Variants in NRG1 observed in about 807,000 individuals in gnomAD.
The protein encoded by NRG1 is neuregulin 1, also known as pro-neuregulin-1, membrane-bound isoform.
NRG1 carries 18 observed loss-of-function variants against 63.8 expected under a neutral mutation model. The ratio of observed to expected loss-of-function variants is 0.28; its 90% CI spans 0.19 to 0.42. The LOEUF is 0.42. NRG1 is among the 10% of genes least tolerant of loss of function. NRG1 has a pLI of 1.00. For synonymous variants in NRG1, 302 were observed against 301.3 expected (o/e 1.00, Z -0.02); for missense variants, 762 against 814.7 (o/e 0.94, Z 0.79).
chr8:31,838,634 T>C lies in NRG1; in HGVS notation c.37+199203T>C, dbSNP rs554819427. 7.7e-4 allele frequency among the ~76,000 whole-genome samples: 117 copies of C among 152,306 alleles called. 1 individual carries two copies. The highest frequency in any genetic ancestry group is 2.7e-3 in the African/African-American group (113 of 41,580). Reference sequence around the variant, plus strand: ...TTCTGTCAGTGTTTAATGGTTTTCCTCCAATAACTTTTACCATCTATAATT... The same window carrying C: ...TTCTGTCAGTGTTTAATGGTTTTCCCCCAATAACTTTTACCATCTATAATT... On this transcript the variant is annotated intron_variant, in intron 1 of 10. Transcript: ENST00000519301.
chr8:31,713,070 C>T (rs182323302), intron 1 of NRG1, among the ~76,000 whole-genome samples: 239 of 150,320 alleles, frequency 1.6e-3, no homozygotes, highest in Non-Finnish European at 2.4e-3. Context: ...ATTTAGGAGG[C>T]TTCAGCAGCC....
At chr8:32,489,372 CA>C (rs1826279476) in intron 1 of NRG1, among the ~76,000 whole-genome samples, 1 of 152,170 alleles carries the variant, frequency 6.6e-6, no homozygotes, top group South Asian at 2.1e-4. Flanking sequence ...AGCTGATAAT[CA>C]CCAGTTTCAG....
intron 6 of NRG1, among the ~76,000 whole-genome samples, chr8:32,739,094 T>C (rs1308648181): frequency 1.3e-5 from 2 of 152,128 alleles, no homozygotes; most frequent in Non-Finnish European, 2.9e-5. Flanking sequence ...TTAATTACAT[T>C]CCTTCATTTT....
intron 1 of NRG1, among the ~76,000 whole-genome samples, chr8:31,913,425 G>A (rs1833112454): frequency 6.6e-6 from 1 of 152,030 alleles, no homozygotes. Context: ...GAATATTTTT[G>A]TCCATGTCTT....
chr8:31,934,421 T>TC (rs1554580258), intron 1 of NRG1, among the ~76,000 whole-genome samples: 1,455 of 92,204 alleles, frequency 0.016, 288 homozygotes, highest in African/African-American at 0.042. Flanking sequence ...ATTCGCTCTC[T>TC]TTTTTTTTTT....
chr8:32,316,472 C>CA (rs60206972), intron 1 of NRG1, among the ~76,000 whole-genome samples: 14,035 of 125,006 alleles, frequency 0.11, 899 homozygotes, highest in Admixed American at 0.2. Context: ...GAGACTCCAT[C>CA]AAAAAAAAAA....
At chr8:32,381,925 G>A (rs1810408558) in intron 1 of NRG1, among the ~76,000 whole-genome samples, 1 of 152,118 alleles carries the variant, frequency 6.6e-6, no homozygotes, top group African/African-American at 2.4e-5. Context: ...ACAAAATATA[G>A]ACATCTAAAA....
At chr8:32,419,416 C>A (rs1373906881) in intron 1 of NRG1, among the ~76,000 whole-genome samples, 1 of 152,176 alleles carries the variant, frequency 6.6e-6, no homozygotes, top group Non-Finnish European at 1.5e-5. Flanking sequence ...CTACAATGAC[C>A]AGTACAATGT....
At chr8:31,823,626 A>T (rs1218885173) in intron 1 of NRG1, among the ~76,000 whole-genome samples, 3 of 152,194 alleles carry the variant, frequency 2.0e-5, no homozygotes, top group Admixed American at 6.5e-5. Context: ...GTAAGTAAAC[A>T]CCTTTGTCCA....
chr8:31,993,842 C>G (rs750195430), intron 1 of NRG1, among the ~76,000 whole-genome samples: 5 of 152,022 alleles, frequency 3.3e-5, no homozygotes, highest in Admixed American at 6.6e-5. Context: ...TGTGATTCAT[C>G]TTGAAGTCTA....
At chr8:31,686,092 A>C (rs886703000) in intron 1 of NRG1, among the ~76,000 whole-genome samples, 1 of 152,122 alleles carries the variant, frequency 6.6e-6, no homozygotes, top group Non-Finnish European at 1.5e-5. Context: ...GATATAAAGC[A>C]CTCTTATTCA....
intron 1 of NRG1, among the ~76,000 whole-genome samples, chr8:32,155,608 G>C (rs1242706949): frequency 6.6e-6 from 1 of 152,178 alleles, no homozygotes; most frequent in Non-Finnish European, 1.5e-5. Context: ...GGCTGTAGTT[G>C]TATTATCAAA....
rs943998253 is a variant in NRG1, at chr8:32,267,979, A to G, written c.38-327849A>G. Among the ~76,000 whole-genome samples, 10 of 152,254 alleles carry G rather than the reference A, an allele frequency of 6.6e-5. No individual in the cohort carries two copies. The East Asian group carries it at 1.9e-3, about 29-fold the overall frequency. ...TTGAATGTCAGCGGACCTTTAACCT[A>G]GAGAATACAGCAGAGTTGGCCAGAT... On this transcript the variant is annotated intron_variant, in intron 1 of 10. Transcript: ENST00000519301.
At chr8:32,207,534 T>G (rs1844199480) in intron 1 of NRG1, among the ~76,000 whole-genome samples, 1 of 152,222 alleles carries the variant, frequency 6.6e-6, no homozygotes, top group Non-Finnish European at 1.5e-5. Context: ...CTGTTCTTTC[T>G]AGTTCAGTAG....
At chr8:31,872,236 C>A (rs1013333454) in intron 1 of NRG1, among the ~76,000 whole-genome samples, 1 of 152,142 alleles carries the variant, frequency 6.6e-6, no homozygotes, top group Non-Finnish European at 1.5e-5. Flanking sequence ...GAAATTAGTT[C>A]ACAAGGTTTA....
At chr8:32,295,138 T>C (rs892742477) in intron 1 of NRG1, among the ~76,000 whole-genome samples, 8 of 152,176 alleles carry the variant, frequency 5.3e-5, no homozygotes, top group African/African-American at 9.6e-5. Flanking sequence ...AGGGATAGTA[T>C]AGTTCCTAAT....
chr8:31,853,091 C>T (rs1255323986), intron 1 of NRG1, among the ~76,000 whole-genome samples: 23 of 151,928 alleles, frequency 1.5e-4, no homozygotes, highest in African/African-American at 1.9e-4. Flanking sequence ...CTTGGCGATG[C>T]GGGCTCTTTT....
At chr8:32,722,383 TAAAAC>T (rs1489691093) in intron 5 of NRG1, among the ~76,000 whole-genome samples, 1 of 152,196 alleles carries the variant, frequency 6.6e-6, no homozygotes, top group African/African-American at 2.4e-5. Context: ...AAACACCACT[TAAAAC>T]AAGCAAGAAA....
In NRG1 at chr8:32,748,335, G is replaced by GCA. The variant is rs548320218; in HGVS notation, c.691+5603_691+5604insAC. On this transcript the variant is annotated intron_variant, in intron 7 of 11. Coordinates refer to ENST00000356819, the Ensembl canonical transcript of NRG1. ...CACATAGGCGCATGTACACGCGCGC[G>GCA]CGCGCACACACACACACACACACAG... 1.9e-3 allele frequency among the ~76,000 whole-genome samples: 179 copies of GCA among 95,630 alleles called. 1 individual carries two copies. Among genetic ancestry groups the GCA allele is most frequent in the South Asian group, 7.5e-3 (19 of 2,528 alleles). The allele number at this position is 95,630 out of a possible 152,430, so 62.7% of individuals were successfully genotyped here. A position where few individuals can be genotyped will look rare whatever the true frequency, so the allele number is the denominator to read the frequency against.
Sources: gnomAD v4.1 joint callset for allele counts (sites outside exome capture counted in the v4.1 genomes callset) on GRCh38, gnomAD v4.1.1 for gene constraint, MANE v1.5 for transcripts, NCBI Gene and HGNC (gene_info 2026-07-23, HGNC 2026-07-21) for gene names.